The following NOD1 variants were observed in gnomAD, a reference collection of about 807,000 sequenced individuals.
NOD1 encodes nucleotide binding oligomerization domain containing 1, also known as nucleotide-binding oligomerization domain-containing protein 1.
NOD1 carries 70 observed loss-of-function variants against 81.2 expected under a neutral mutation model. That is an observed-to-expected ratio of 0.86 (90% CI 0.71 to 1.05). The LOEUF is 1.05. Ranked by LOEUF, NOD1 falls within the 50% of genes least tolerant of loss-of-function variation. The pLI is 0.00. For synonymous variants in NOD1, 508 were observed against 526.9 expected (o/e 0.96, Z 0.49); for missense variants, 1,233 against 1,228.0 (o/e 1.00, Z -0.06).
intron 13 of NOD1, 90 bp from the exon 14 acceptor site, chr7:30,425,800 C>T (rs1038049681): frequency 5.7e-5 from 49 of 862,078 alleles, no homozygotes; most frequent in African/African-American, 3.1e-4. Context: ...AGCACACACT[C>T]GTGTATCACA....
At chr7:30,435,134 G>A (rs1238690083) in intron 11 of NOD1, among the ~76,000 whole-genome samples, 1 of 152,062 alleles carries the variant, frequency 6.6e-6, no homozygotes, top group East Asian at 1.9e-4. Context: ...ACATTAAGTG[G>A]CCATAAAAAA....
At chr7:30,456,434 C>G (rs6462208) in intron 4 of NOD1, among the ~76,000 whole-genome samples, 50,399 of 151,914 alleles carry the variant, frequency 0.33, 9,194 homozygotes, top group African/African-American at 0.48. Flanking sequence ...TGCTTATGTT[C>G]TTTTTCCCTC....
chr7:30,451,830 G>A lies in NOD1; in HGVS notation c.1587C>T (p.Leu529=), dbSNP rs199527440. Residue 529 remains leucine, a synonymous_variant, in exon 6 of 14, where the codon CTC becomes CTT. Transcript: ENST00000222823. This position sits in a 1 kb window ranked among gnomAD's most constrained non-coding sequence, Gnocchi z 4.2. ...TLQAFFTAFF[L]VLDDRVGTQE... is the part of the protein sequence containing the mutation. ...GAGTGCCCACCCTGTCGTCCAGCAC[G>A]AGGAAGAAGGCTGTAAAGAAGGCCT... 682 of 1,613,848 alleles carry A rather than the reference G, an allele frequency of 4.2e-4. 1 individual carries two copies. The highest frequency in any genetic ancestry group is 5.5e-4 in the Non-Finnish European group (652 of 1,180,020).
At chr7:30,427,839 A>G (rs1783589620) in intron 13 of NOD1, among the ~76,000 whole-genome samples, 1 of 152,218 alleles carries the variant, frequency 6.6e-6, no homozygotes, top group African/African-American at 2.4e-5. Context: ...GTGGAAGCCA[A>G]CTGTGCTCTG....
chr7:30,448,953 C>T (rs1785404773), intron 6 of NOD1, among the ~76,000 whole-genome samples: 1 of 152,236 alleles, frequency 6.6e-6, no homozygotes, highest in South Asian at 2.1e-4. Context: ...GTGAGTCCCA[C>T]TGTCAAAGGA....
chr7:30,464,819 T>C (rs1787517280), intron 1 of NOD1, among the ~76,000 whole-genome samples: 2 of 152,232 alleles, frequency 1.3e-5, no homozygotes, highest in African/African-American at 4.8e-5. Context: ...CCTCAAAATG[T>C]TGCTGTAAGG....
Position 30,451,740 on chromosome 7 carries a change from A to G in NOD1, c.1677T>C (p.Tyr559=). Residue 559 remains tyrosine, a synonymous_variant, in exon 6 of 14, where the codon TAT becomes TAC. Coordinates refer to ENST00000222823, the MANE Select transcript of NOD1 (RefSeq NM_006092.4). This position sits in a 1 kb window ranked among gnomAD's most constrained non-coding sequence, Gnocchi z 4.2. ...GGCACTGGAACGGGAGGAAGGGAGG[A>G]TAGCAGGACGTGGTCGCTGCCCCCG... ...PPAGAATTSC[Y]PPFLPFQCLQ... 6.2e-7 allele frequency: 1 copy of G among 1,613,786 alleles called. No individual in the cohort carries two copies. Among genetic ancestry groups the G allele is most frequent in the Admixed American group, 1.7e-5 (1 of 60,032 alleles).
At chr7:30,476,837 G>GA (rs1468706968) in intron 1 of NOD1, among the ~76,000 whole-genome samples, 3 of 152,198 alleles carry the variant, frequency 2.0e-5, no homozygotes, top group African/African-American at 7.2e-5. Flanking sequence ...GGGGCAGCAG[G>GA]GCAGGAGAAG....
chr7:30,469,916 C>G (rs949314845), intron 1 of NOD1, among the ~76,000 whole-genome samples: 15 of 152,350 alleles, frequency 9.8e-5, no homozygotes, highest in African/African-American at 3.1e-4. Context: ...GGGGATGTCA[C>G]CTGTCAGAAT....
chr7:30,446,859 G>A (rs1785147235), intron 8 of NOD1, 108 bp downstream of exon 8: 2 of 894,080 alleles, frequency 2.2e-6, no homozygotes, highest in Non-Finnish European at 3.5e-6. Context: ...CCTGGGACAA[G>A]TGGAAGGCTT....
chr7:30,457,832 G>A (rs538793253), intron 3 of NOD1, among the ~76,000 whole-genome samples: 25 of 151,982 alleles, frequency 1.6e-4, no homozygotes, highest in Non-Finnish European at 2.8e-4. Context: ...ACCTGCGGAC[G>A]GTGATGTCTC....
chr7:30,451,358 C>G lies in NOD1; in HGVS notation c.2059G>C (p.Ala687Pro). ...AGGGCGCTGCAGTCGGCCGAGCAGGCGTTGCAGTAGGTCAGCTTGAGGTAG... is the reference window on the plus strand; with the variant it reads ...AGGGCGCTGCAGTCGGCCGAGCAGGGGTTGCAGTAGGTCAGCTTGAGGTAG... ...ANYLKLTYCNACSADCSALSF... is the reference protein window; with the variant it reads ...ANYLKLTYCNPCSADCSALSF... The change falls in exon 6 of 14, where the codon GCC (alanine) becomes CCC (proline). Residue 687 changes from alanine to proline, a missense_variant. Transcript: ENST00000222823. This position sits in a 1 kb window ranked among gnomAD's most constrained non-coding sequence, Gnocchi z 4.2. 1.2e-6 allele frequency: 2 copies of G among 1,614,182 alleles called. No homozygotes were observed. The highest frequency in any genetic ancestry group is 1.7e-6 in the Non-Finnish European group (2 of 1,180,036).
In NOD1 at chr7:30,451,095, G is replaced by T; in HGVS notation, c.2201+121C>A. Reference sequence around the variant, plus strand: ...TGCCCTGCTAAGAAAGAAAAGGTCTGGACATTCCAAGGGCCATGGTCATGA... The same window carrying T: ...TGCCCTGCTAAGAAAGAAAAGGTCTTGACATTCCAAGGGCCATGGTCATGA... On this transcript the variant is annotated intron_variant, in intron 6 of 13. Transcript: ENST00000222823. The surrounding 1 kb of genome is among the most constrained non-coding windows in gnomAD (Gnocchi z 4.2). The T allele has an allele frequency of 1.7e-6, 2 of 1,184,498 alleles. No homozygotes were observed. The highest frequency in any genetic ancestry group is 2.3e-6 in the Non-Finnish European group (2 of 864,580). The allele number at this position is 1,184,498 out of a possible 1,614,324, so 73.4% of individuals were successfully genotyped here. A position where few individuals can be genotyped will look rare whatever the true frequency, so the allele number is the denominator to read the frequency against.
At chr7:30,477,294 T>A (rs1055536465) in intron 1 of NOD1, among the ~76,000 whole-genome samples, 15 of 152,250 alleles carry the variant, frequency 9.9e-5, no homozygotes, top group African/African-American at 3.6e-4. Flanking sequence ...TAGAAGTCTG[T>A]ACTTTGTCAA....
chr7:30,452,303 C>G lies in NOD1; in HGVS notation c.1114G>C (p.Asp372His). ...RRMFPERALQDRLLSQLEANP... is the reference protein window; with the variant it reads ...RRMFPERALQHRLLSQLEANP... ...GCCTCCAGCTGGCTCAGCAGGCGGT[C>G]CTGCAGGGCCCGCTCGGGGAACATC... Residue 372 changes from aspartate to histidine, a missense_variant, in exon 6 of 14, where the codon GAC becomes CAC. Coordinates refer to ENST00000222823, the MANE Select transcript of NOD1 (RefSeq NM_006092.4). 1 of 1,613,420 alleles carries G rather than the reference C, an allele frequency of 6.2e-7. No individual in the cohort carries two copies. Among genetic ancestry groups the G allele is most frequent in the Non-Finnish European group, 8.5e-7 (1 of 1,179,914 alleles).
chr7:30,450,339 C>T (rs1436804741), intron 6 of NOD1, among the ~76,000 whole-genome samples: 2 of 152,176 alleles, frequency 1.3e-5, no homozygotes. Context: ...ACCCCCTGCA[C>T]CCCATGTCCC....
chr7:30,450,690 T>G (rs1417898055), intron 6 of NOD1, among the ~76,000 whole-genome samples: 1 of 152,128 alleles, frequency 6.6e-6, no homozygotes, highest in Non-Finnish European at 1.5e-5. Context: ...TCCAGAAACT[T>G]TTTGAGGGCT....
At chr7:30,466,956 C>T (rs1401783169) in intron 1 of NOD1, among the ~76,000 whole-genome samples, 1 of 152,148 alleles carries the variant, frequency 6.6e-6, no homozygotes, top group Non-Finnish European at 1.5e-5. Flanking sequence ...GTCCTGCCAC[C>T]TCACTCCACC....
At chr7:30,431,712 G>A (rs1461316412) in intron 12 of NOD1, among the ~76,000 whole-genome samples, 1 of 152,218 alleles carries the variant, frequency 6.6e-6, no homozygotes, top group Non-Finnish European at 1.5e-5. Flanking sequence ...CTTAGGTGGA[G>A]TTCTTTGTGA....
Sources: gnomAD v4.1 joint callset for allele counts (sites outside exome capture counted in the v4.1 genomes callset) on GRCh38, gnomAD v4.1.1 for gene constraint, Gnocchi (gnomAD v3.1) non-coding constraint, MANE v1.5 for transcripts, NCBI Gene and HGNC (gene_info 2026-07-23, HGNC 2026-07-21) for gene names.